The following INPP5A variants were observed in gnomAD, a reference collection of about 807,000 sequenced individuals.
The protein encoded by INPP5A is inositol polyphosphate-5-phosphatase A.
Under a neutral mutation model 65.2 loss-of-function variants are expected in INPP5A, and 14 were observed. The ratio of observed to expected loss-of-function variants is 0.21; its 90% CI spans 0.14 to 0.34. The LOEUF is 0.34. INPP5A is among the 10% of genes least tolerant of loss of function. The pLI is 1.00. For synonymous variants in INPP5A, 207 were observed against 208.3 expected (o/e 0.99, Z 0.05); for missense variants, 431 against 545.6 (o/e 0.79, Z 2.09).
At chr10:132,687,058 C>T (rs1022038043) in intron 4 of INPP5A, among the ~76,000 whole-genome samples, 2 of 152,246 alleles carry the variant, frequency 1.3e-5, no homozygotes, top group Non-Finnish European at 2.9e-5. Flanking sequence ...AATTCTCCTG[C>T]CTCAGCCTCC....
intron 1 of INPP5A, among the ~76,000 whole-genome samples, chr10:132,607,635 G>A (rs1044788333): frequency 2.6e-5 from 4 of 152,218 alleles, no homozygotes; most frequent in African/African-American, 4.8e-5. Context: ...TCCCCTCCTC[G>A]CCACCCGTGT....
intron 1 of INPP5A, among the ~76,000 whole-genome samples, chr10:132,604,516 G>A (rs918314602): frequency 7.9e-5 from 12 of 152,202 alleles, no homozygotes; most frequent in Non-Finnish European, 1.5e-4. Flanking sequence ...GGTGAGGTTT[G>A]GGGGGAAAGG....
chr10:132,768,536 G>A (rs1198805181), intron 12 of INPP5A, among the ~76,000 whole-genome samples: 7 of 152,218 alleles, frequency 4.6e-5, no homozygotes, highest in East Asian at 1.9e-4. Context: ...GTGCCTCTGC[G>A]TGCCAGGCTC....
intron 1 of INPP5A, among the ~76,000 whole-genome samples, chr10:132,556,522 A>C (rs1227598180): frequency 6.6e-6 from 1 of 152,182 alleles, no homozygotes; most frequent in African/African-American, 2.4e-5. Context: ...TGCACTACAC[A>C]GGTGCATATG....
intron 12 of INPP5A, among the ~76,000 whole-genome samples, chr10:132,771,407 C>T (rs964275812): frequency 2.0e-5 from 3 of 152,254 alleles, no homozygotes; most frequent in Non-Finnish European, 4.4e-5. Flanking sequence ...CCCACGCCGG[C>T]GCCGGCAGTT....
chr10:132,736,678 G>T (rs1846182605), intron 9 of INPP5A, among the ~76,000 whole-genome samples: 1 of 152,236 alleles, frequency 6.6e-6, no homozygotes, highest in African/African-American at 2.4e-5. Context: ...CCAAGGCCAG[G>T]CTGCCCAGCA....
At chr10:132,772,937 C>T (rs545799669) in intron 12 of INPP5A, among the ~76,000 whole-genome samples, 2 of 152,010 alleles carry the variant, frequency 1.3e-5, no homozygotes, top group African/African-American at 2.4e-5. Context: ...ACGGAGGCCA[C>T]GGCAGCCACC....
intron 4 of INPP5A, among the ~76,000 whole-genome samples, chr10:132,683,776 G>A (rs1207613522): frequency 1.3e-5 from 2 of 152,142 alleles, no homozygotes; most frequent in South Asian, 2.1e-4. Flanking sequence ...GTGCAGTGGC[G>A]CGATCTTGGC....
chr10:132,702,850 G>T (rs1406827044), intron 6 of INPP5A, among the ~76,000 whole-genome samples: 4 of 152,232 alleles, frequency 2.6e-5, no homozygotes, highest in African/African-American at 9.6e-5. Flanking sequence ...CCTGCACCCA[G>T]GAAGTGGGCT....
intron 2 of INPP5A, among the ~76,000 whole-genome samples, chr10:132,643,660 G>C (rs2072456055): frequency 6.6e-6 from 1 of 152,192 alleles, no homozygotes; most frequent in African/African-American, 2.4e-5. Context: ...GCATCAGCCT[G>C]GCCCAGGTCT....
intron 1 of INPP5A, among the ~76,000 whole-genome samples, chr10:132,552,214 G>A (rs961151017): frequency 5.4e-5 from 8 of 147,944 alleles, no homozygotes; most frequent in South Asian, 4.5e-4. Flanking sequence ...GGCATATTGA[G>A]TGGGATAGGG....
At chr10:132,744,410 C>T (rs573253085) in intron 9 of INPP5A, among the ~76,000 whole-genome samples, 4 of 152,260 alleles carry the variant, frequency 2.6e-5, no homozygotes, top group African/African-American at 4.8e-5. Context: ...CCAGGACCCC[C>T]GGGAGGGTGG....
At chr10:132,682,996 CGT>C (rs1165626539) in intron 4 of INPP5A, among the ~76,000 whole-genome samples, 2 of 150,950 alleles carry the variant, frequency 1.3e-5, no homozygotes, top group South Asian at 2.1e-4. Context: ...CACGTGTACA[CGT>C]GTGTGTTATC....
chr10:132,680,355 C>T (rs747996772), intron 4 of INPP5A, among the ~76,000 whole-genome samples: 7 of 152,194 alleles, frequency 4.6e-5, no homozygotes, highest in Non-Finnish European at 1.0e-4. Context: ...GAAAAAGCGC[C>T]CAGCTCCACG....
chr10:132,690,495 C>T (rs1845241056), intron 5 of INPP5A, 40 bp downstream of exon 5: 1 of 1,452,714 alleles, frequency 6.9e-7, no homozygotes, highest in Admixed American at 1.7e-5. Context: ...TGTCTCGGCA[C>T]TCACCCCTCC....
At position 132,545,180 on chromosome 10, in the gene INPP5A, T is replaced by C. The variant is rs2070953735; in HGVS notation, c.75+7009T>C. ...CCGCACGGCTCTGGGATGGCTGTGC[T>C]CGGTGGGGGTCTGATTTTGGGGGAA... On this transcript the variant is annotated intron_variant, in intron 1 of 15. Transcript: ENST00000368594. This position sits in a 1 kb window ranked among gnomAD's most constrained non-coding sequence, Gnocchi z 4.6. 6.6e-6 allele frequency among the ~76,000 whole-genome samples: 1 copy of C among 152,046 alleles called. No individual in the cohort carries two copies. The highest frequency in any genetic ancestry group is 2.4e-5 in the African/African-American group (1 of 41,390).
chr10:132,612,613 C>T (rs1471234986), intron 2 of INPP5A, among the ~76,000 whole-genome samples: 2 of 152,106 alleles, frequency 1.3e-5, no homozygotes, highest in Non-Finnish European at 2.9e-5. Flanking sequence ...AGGCCCGGTT[C>T]CCCTGCTGGT....
intron 1 of INPP5A, among the ~76,000 whole-genome samples, chr10:132,543,404 C>T (rs1196389793): frequency 9.9e-5 from 15 of 152,134 alleles, no homozygotes; most frequent in Admixed American, 9.8e-4. Context: ...TCCTGCATTT[C>T]TTCCTTTCTT....
intron 11 of INPP5A, 86 bp downstream of exon 11, chr10:132,749,931 C>A: frequency 8.5e-7 from 1 of 1,171,538 alleles, no homozygotes; most frequent in Non-Finnish European, 1.3e-6. Context: ...TTACCTGGGA[C>A]CACCCTGCCT....
Sources: allele counts gnomAD v4.1 joint callset (sites outside exome capture counted in the v4.1 genomes callset), GRCh38; gene constraint gnomAD v4.1.1; non-coding constraint Gnocchi (gnomAD v3.1); transcripts MANE v1.5; gene names NCBI Gene and HGNC (gene_info 2026-07-23, HGNC 2026-07-21).